SLC44A1: variants seen among roughly 807,000 people sequenced by gnomAD.
SLC44A1 encodes the protein solute carrier family 44 member 1.
In SLC44A1, 26 loss-of-function variants were observed where a neutral mutation model predicts 79.3. That is an observed-to-expected ratio of 0.33 (90% CI 0.24 to 0.46). The LOEUF is 0.46. Ranked by LOEUF, SLC44A1 falls within the 20% of genes least tolerant of loss-of-function variation. The pLI is 1.00. For synonymous variants in SLC44A1, 263 were observed against 286.2 expected (o/e 0.92, Z 0.82); for missense variants, 688 against 798.1 (o/e 0.86, Z 1.66).
chr9:105,422,137 A>G (rs1298397276), intron 15 of SLC44A1, among the ~76,000 whole-genome samples: 2 of 152,090 alleles, frequency 1.3e-5, no homozygotes, highest in Non-Finnish European at 2.9e-5. Context: ...TACATCTAGC[A>G]ACTTAGGTAC....
At chr9:105,401,273 T>A (rs1402941732), downstream of SLC44A1, among the ~76,000 whole-genome samples, 1 of 152,234 alleles carries the variant, frequency 6.6e-6, no homozygotes, top group Non-Finnish European at 1.5e-5. Flanking sequence ...CTATAGTTTT[T>A]AACAGGAAAA....
rs568490609 is a variant in SLC44A1 at position 105,395,251 on chromosome 9, G to A, written c.*6195G>A. The A allele has an allele frequency of 1.5e-4, 136 of 913,310 alleles. No homozygotes were observed. In the Middle Eastern group the frequency reaches 2.2e-3, roughly 15 times the overall value. 56.6% of individuals were successfully genotyped at this position (913,310 alleles called of 1,614,324 possible). On this transcript the variant is annotated 3_prime_UTR_variant, in exon 16 of 16. Transcript: ENST00000374720. Reference sequence around the variant, plus strand: ...TGGTGTTTTTTTGAGACGGAGTCTCGCTCTATCGCCAGCTTAGAGTGCAGT... The same window carrying A: ...TGGTGTTTTTTTGAGACGGAGTCTCACTCTATCGCCAGCTTAGAGTGCAGT...
downstream of SLC44A1, among the ~76,000 whole-genome samples, chr9:105,397,549 T>C (rs976447369): frequency 6.6e-6 from 1 of 152,170 alleles, no homozygotes; most frequent in Admixed American, 6.5e-5. Context: ...ATTTCTGAAG[T>C]ACAAAGTTCA....
chr9:105,290,235 C>T lies in SLC44A1; in HGVS notation c.37-8985C>T, dbSNP rs550697915. Among the ~76,000 whole-genome samples the T allele has an allele frequency of 3.9e-5, 6 of 152,198 alleles. No homozygotes were observed. In the South Asian group the frequency reaches 1.0e-3, roughly 26 times the overall value. On this transcript the variant is annotated intron_variant, in intron 1 of 15. Transcript: ENST00000374720. Reference sequence around the variant, plus strand: ...TACAGGATAGCCAAAAAAGTCAATACACCCATTAACAGTCTGGAAACTGAC... The same window carrying T: ...TACAGGATAGCCAAAAAAGTCAATATACCCATTAACAGTCTGGAAACTGAC...
intron 1 of SLC44A1, among the ~76,000 whole-genome samples, chr9:105,294,385 T>C (rs750528456): frequency 1.2e-4 from 18 of 152,162 alleles, no homozygotes; most frequent in Non-Finnish European, 2.5e-4. Flanking sequence ...CTGTCACGTG[T>C]TTTGGTTTGA....
At chr9:105,308,179 T>C (rs529988266) in intron 2 of SLC44A1, among the ~76,000 whole-genome samples, 1 of 152,350 alleles carries the variant, frequency 6.6e-6, no homozygotes, top group African/African-American at 2.4e-5. Context: ...CAGTATTCCA[T>C]TGATCAACAC....
intron 1 of SLC44A1, among the ~76,000 whole-genome samples, chr9:105,254,499 TG>T (rs1309245807): frequency 6.6e-6 from 1 of 152,210 alleles, no homozygotes; most frequent in African/African-American, 2.4e-5. Context: ...GATGCAGGAT[TG>T]GGCGTGGTGA....
chr9:105,361,944 G>C (rs985737936), intron 8 of SLC44A1, among the ~76,000 whole-genome samples: 4 of 152,126 alleles, frequency 2.6e-5, no homozygotes, highest in African/African-American at 9.7e-5. Flanking sequence ...CCAGCTACTC[G>C]GGAGGCAGAG....
intron 1 of SLC44A1, among the ~76,000 whole-genome samples, chr9:105,256,179 T>C (rs1829701017): frequency 6.6e-6 from 1 of 151,688 alleles, no homozygotes; most frequent in Non-Finnish European, 1.5e-5. Flanking sequence ...TGCCTGCTAA[T>C]TTTTGTATTT....
downstream of SLC44A1, among the ~76,000 whole-genome samples, chr9:105,400,023 C>G (rs548706502): frequency 1.3e-5 from 2 of 152,024 alleles, no homozygotes; most frequent in East Asian, 3.9e-4. Flanking sequence ...TGGAGAAACC[C>G]CGTCTCTACC....
At position 105,396,605 on chromosome 9, in the gene SLC44A1, T is replaced by G. The variant is rs562104742; in HGVS notation, c.*7549T>G. 1.1e-5 allele frequency: 11 copies of G among 985,354 alleles called. No homozygotes were observed. The African/African-American group carries it at 1.7e-4, about 16-fold the overall frequency. 61.0% of individuals were successfully genotyped at this position (985,354 alleles called of 1,614,324 possible). On this transcript the variant is annotated 3_prime_UTR_variant, in exon 16 of 16. Coordinates refer to ENST00000374720, the MANE Select transcript of SLC44A1 (RefSeq NM_080546.5). ...CCAGTGTCAAGCCCAGCCCAGCATA[T>G]GGGGTGATATGAGCAGAAAACACAC...
intron 1 of SLC44A1, among the ~76,000 whole-genome samples, chr9:105,275,844 G>A (rs562266817): frequency 2.1e-4 from 32 of 149,380 alleles, no homozygotes; most frequent in Middle Eastern, 3.4e-3. Context: ...CCGCTCTGTC[G>A]CTCAGGCTGG....
intron 1 of SLC44A1, among the ~76,000 whole-genome samples, chr9:105,271,739 A>G (rs960805720): frequency 2.0e-5 from 3 of 151,998 alleles, no homozygotes; most frequent in Non-Finnish European, 4.4e-5. Flanking sequence ...TCAGCCTCCC[A>G]GGTAGCTGGG....
intron 13 of SLC44A1, among the ~76,000 whole-genome samples, chr9:105,382,579 G>A (rs772676767): frequency 1.2e-4 from 18 of 152,142 alleles, no homozygotes; most frequent in Non-Finnish European, 2.5e-4. Context: ...CTAACAGTAA[G>A]AGAATGGTTA....
intron 9 of SLC44A1, 96 bp downstream of exon 9, chr9:105,363,103 A>G (rs1827831431): frequency 1.0e-6 from 1 of 955,832 alleles, no homozygotes; most frequent in Non-Finnish European, 1.6e-6. Context: ...ACATTTGTTG[A>G]TGAAGGTCCA....
intron 1 of SLC44A1, among the ~76,000 whole-genome samples, chr9:105,275,362 A>G (rs1303986848): frequency 6.6e-6 from 1 of 152,186 alleles, no homozygotes; most frequent in Admixed American, 6.5e-5. Context: ...GCATAGCTCT[A>G]AGCTTAGTAA....
Position 105,331,552 on chromosome 9 carries a change from T to G in SLC44A1, c.270-4011T>G, listed in dbSNP as rs553586834. On this transcript the variant is annotated intron_variant, in intron 3 of 15. Coordinates refer to ENST00000374720, the MANE Select transcript of SLC44A1 (RefSeq NM_080546.5). ...TTTATTTACCTGGTTAAGGACATTT[T>G]CCAATCAAAAGGCAAGAAAGTGCAG... Among the ~76,000 whole-genome samples, 3 of 152,382 alleles carry G rather than the reference T, an allele frequency of 2.0e-5. No homozygotes were observed. In the East Asian group the frequency reaches 5.8e-4, roughly 29 times the overall value.
In SLC44A1 at chr9:105,391,662, G is replaced by T. The variant is rs1386112125; in HGVS notation, c.*2606G>T. ...GAGGTTATGTTTGGATATTCCTGCT[G>T]CCTCTTTTCATTCATTTCAAGTCAT... is the stretch of plus-strand genomic sequence containing the variant. On this transcript the variant is annotated 3_prime_UTR_variant, in exon 16 of 16. Transcript: ENST00000374720. 1.0e-6 allele frequency: 1 copy of T among 985,236 alleles called. No homozygotes were observed. Among genetic ancestry groups the T allele is most frequent in the Non-Finnish European group, 1.2e-6 (1 of 829,908 alleles). 61.0% of individuals were successfully genotyped at this position (985,236 alleles called of 1,614,324 possible).
chr9:105,406,466 CGTG>C (rs1829030568), intron 15 of SLC44A1, among the ~76,000 whole-genome samples: 2 of 152,254 alleles, frequency 1.3e-5, no homozygotes, highest in South Asian at 4.1e-4. Flanking sequence ...ACTGGCCAGA[CGTG>C]GTGGCTCACA....
Sources: allele counts gnomAD v4.1 joint callset (sites outside exome capture counted in the v4.1 genomes callset), GRCh38; gene constraint gnomAD v4.1.1; transcripts MANE v1.5; gene names NCBI Gene and HGNC (gene_info 2026-07-23, HGNC 2026-07-21).